The following MRPL45 variants were observed in gnomAD, a reference collection of about 807,000 sequenced individuals.
MRPL45 encodes the protein large ribosomal subunit protein mL45.
Under a neutral mutation model 38.1 loss-of-function variants are expected in MRPL45, and 20 were observed. That is an observed-to-expected ratio of 0.53 (90% CI 0.37 to 0.76). The LOEUF (loss-of-function observed/expected upper bound fraction) is 0.76. MRPL45 is among the 30% of genes least tolerant of loss of function. The pLI is 0.00. For missense variants in MRPL45, 337 were observed against 395.6 expected (o/e 0.85, Z 1.26); for synonymous variants, 105 against 128.8 (o/e 0.82, Z 1.25).
Position 38,322,844 on chromosome 17 carries a change from A to G in MRPL45, c.*249A>G, listed in dbSNP as rs1055865001. The G allele has an allele frequency of 4.2e-6, 2 of 478,934 alleles. No homozygotes were observed. Among genetic ancestry groups the G allele is most frequent in the African/African-American group, 3.9e-5 (2 of 51,574 alleles). The allele number at this position is 478,934 out of a possible 1,614,324, so 29.7% of individuals were successfully genotyped here. A position where few individuals can be genotyped will look rare whatever the true frequency, so the allele number is the denominator to read the frequency against. On this transcript the variant is annotated 3_prime_UTR_variant, in exon 8 of 8. Transcript: ENST00000613675. ...TAGCTTCTGAGTCTAGATGAAAGAC[A>G]GTATGTTTCAGAGAACATTGGATAT...
At chr17:38,304,886 A>C (rs1443818545) in intron 3 of MRPL45, among the ~76,000 whole-genome samples, 1 of 126,680 alleles carries the variant, frequency 7.9e-6, no homozygotes, top group Admixed American at 8.5e-5. Flanking sequence ...TCGCTCTGTC[A>C]CCCAGGCTGG....
intron 4 of MRPL45, among the ~76,000 whole-genome samples, chr17:38,317,968 C>T (rs2037191065): frequency 6.6e-6 from 1 of 151,798 alleles, no homozygotes; most frequent in Non-Finnish European, 1.5e-5. Flanking sequence ...CCAGGAAAGA[C>T]ATGATTATCT....
At chr17:38,319,074 C>T (rs1597656296) in intron 5 of MRPL45, among the ~76,000 whole-genome samples, 1 of 150,962 alleles carries the variant, frequency 6.6e-6, no homozygotes, top group South Asian at 2.1e-4. Context: ...CTCGCTCTGT[C>T]GCCCAGGATG....
intron 4 of MRPL45, among the ~76,000 whole-genome samples, chr17:38,307,885 G>A (rs1195343398): frequency 2.6e-5 from 4 of 151,694 alleles, no homozygotes; most frequent in African/African-American, 9.7e-5. Context: ...ATGGGATGTC[G>A]TGATGTTGCC....
At chr17:38,303,615 T>A (rs1357349696) in intron 3 of MRPL45, among the ~76,000 whole-genome samples, 5 of 149,060 alleles carry the variant, frequency 3.4e-5, no homozygotes, top group African/African-American at 1.2e-4. Context: ...TTTATTAATT[T>A]CATCTTTTTC....
At chr17:38,304,208 T>G (rs1417206551) in intron 3 of MRPL45, among the ~76,000 whole-genome samples, 1 of 152,234 alleles carries the variant, frequency 6.6e-6, no homozygotes, top group Non-Finnish European at 1.5e-5. Context: ...TGGTGGGTCA[T>G]GCCTGTAATC....
intron 6 of MRPL45, among the ~76,000 whole-genome samples, chr17:38,321,511 C>T (rs1394520338): frequency 6.6e-6 from 1 of 151,472 alleles, no homozygotes; most frequent in African/African-American, 2.4e-5. Context: ...GCCAACATGG[C>T]AAAACACTGT....
chr17:38,302,312 T>C (rs1422068829), intron 3 of MRPL45, among the ~76,000 whole-genome samples: 1 of 150,650 alleles, frequency 6.6e-6, no homozygotes, highest in Non-Finnish European at 1.5e-5. Context: ...CATGGTGAGA[T>C]CCCATCTCTA....
Position 38,317,308 on chromosome 17 carries a change from G to A in MRPL45, c.462-1379G>A, listed in dbSNP as rs112309336. On this transcript the variant is annotated intron_variant, in intron 4 of 7. Coordinates refer to ENST00000613675, the MANE Select transcript of MRPL45 (RefSeq NM_032351.6). ...GTTCCTACAGTAGAGGAAATGACTT[G>A]GAATCTTTCCTATTAGGAATAGAGA... Among the ~76,000 whole-genome samples the A allele has an allele frequency of 7.9e-3, 1,197 of 152,200 alleles. 13 individuals are homozygous for A. Among genetic ancestry groups the A allele is most frequent in the Non-Finnish European group, 0.012 (850 of 68,010 alleles).
chr17:38,305,535 T>G (rs2037044475), intron 3 of MRPL45, among the ~76,000 whole-genome samples: 1 of 150,274 alleles, frequency 6.7e-6, no homozygotes, highest in African/African-American at 2.4e-5. Context: ...CTCGCTCTGT[T>G]TCCCAGGCTG....
At position 38,322,863 on chromosome 17, in the gene MRPL45, T is replaced by G. The variant is rs2037245539; in HGVS notation, c.*268T>G. The G allele has an allele frequency of 4.8e-6, 2 of 419,628 alleles. No homozygotes were observed. Among genetic ancestry groups the G allele is most frequent in the Non-Finnish European group, 8.5e-6 (2 of 234,140 alleles). The allele number at this position is 419,628 out of a possible 1,614,324, so 26.0% of individuals were successfully genotyped here. A position where few individuals can be genotyped will look rare whatever the true frequency, so the allele number is the denominator to read the frequency against. The stretch of plus-strand genomic sequence containing the variant: ...AAAGACAGTATGTTTCAGAGAACAT[T>G]GGATATCAGTTTTTCCCACAGCAGG... On this transcript the variant is annotated 3_prime_UTR_variant, in exon 8 of 8. Transcript: ENST00000613675.
At chr17:38,300,908 T>C (rs942162673) in intron 3 of MRPL45, among the ~76,000 whole-genome samples, 4 of 152,010 alleles carry the variant, frequency 2.6e-5, no homozygotes, top group African/African-American at 9.7e-5. Flanking sequence ...ATCGTGCCAT[T>C]GCACTCCAGC....
chr17:38,315,624 A>G (rs1359995148), intron 4 of MRPL45, among the ~76,000 whole-genome samples: 3 of 151,316 alleles, frequency 2.0e-5, no homozygotes, highest in African/African-American at 7.3e-5. Context: ...TTTGGTTTTA[A>G]TGTTTCTTGG....
At chr17:38,322,473 T>G (rs765394940) in intron 7 of MRPL45, 36 bp from the exon 8 acceptor site, 1 of 1,586,286 alleles carries the variant, frequency 6.3e-7, no homozygotes, top group Non-Finnish European at 8.6e-7. Flanking sequence ...AGCCATGGGC[T>G]TGGTTGGTGG....
In MRPL45 at chr17:38,299,177, T is replaced by C. The variant is rs201592195; in HGVS notation, c.245-174T>C. 1.6e-3 allele frequency among the ~76,000 whole-genome samples: 242 copies of C among 152,214 alleles called. 12 individuals carry two copies. The East Asian group carries it at 0.044, about 28-fold the overall frequency. On this transcript the variant is annotated intron_variant, in intron 2 of 7. Transcript: ENST00000613675. ...TACTGGGATTACAGGTGTGAGCCAC[T>C]GTGCCCGGCCTTGTTTTGTTTTTTT...
At chr17:38,308,437 TTTTTG>T (rs1256444705) in intron 4 of MRPL45, among the ~76,000 whole-genome samples, 97 of 149,732 alleles carry the variant, frequency 6.5e-4, no homozygotes, top group Non-Finnish European at 1.2e-3. Context: ...ATTGTTTTTT[TTTTTG>T]TTTGTTTGTT....
chr17:38,318,719 C>A lies in MRPL45; in HGVS notation c.494C>A (p.Thr165Asn). ...SDHDRLHTLV[T>N]EHCFPDMTWD... is the part of the protein sequence containing the mutation. ...CATGACCGGCTTCATACCTTGGTAACTGAACACTGTTTTCCAGTAAGTTCT... is the reference window on the plus strand; with the variant it reads ...CATGACCGGCTTCATACCTTGGTAAATGAACACTGTTTTCCAGTAAGTTCT... Residue 165 changes from threonine (T) to asparagine (N), a missense_variant, in exon 5 of 8, where the codon ACT becomes AAT. Coordinates refer to ENST00000613675, the MANE Select transcript of MRPL45 (RefSeq NM_032351.6). The A allele has an allele frequency of 3.7e-6, 6 of 1,610,050 alleles. No homozygotes were observed. Among genetic ancestry groups the A allele is most frequent in the Non-Finnish European group, 5.1e-6 (6 of 1,176,836 alleles).
Position 38,322,595 on chromosome 17 carries a change from A to C in MRPL45, c.921A>C (p.Ter307CysextTer1), listed in dbSNP as rs200734868. ...AGGCCCAGAAGCCTCAGCTAGCCTG[A>C]TGACAAAAATGACTTCTAGGGTGAA... ...QGEAQKPQLA[*>C] Residue 307 changes from the stop codon to cysteine, a stop_lost, in exon 8 of 8, where the codon TGA becomes TGC. Transcript: ENST00000613675. The C allele has an allele frequency of 2.3e-4, 368 of 1,610,760 alleles. 1 individual carries two copies. The highest frequency in any genetic ancestry group is 1.6e-3 in the Middle Eastern group (9 of 5,506).
intron 3 of MRPL45, among the ~76,000 whole-genome samples, chr17:38,302,780 A>G (rs920335465): frequency 2.0e-5 from 3 of 150,112 alleles, no homozygotes; most frequent in Non-Finnish European, 4.4e-5. Context: ...GCTGGAGTGC[A>G]GTGGCTCCAT....
Sources: gnomAD v4.1 joint callset for allele counts (sites outside exome capture counted in the v4.1 genomes callset) on GRCh38, gnomAD v4.1.1 for gene constraint, MANE v1.5 for transcripts, NCBI Gene and HGNC (gene_info 2026-07-23, HGNC 2026-07-21) for gene names.